Variants in TRAP1 observed in about 807,000 individuals in gnomAD.
TRAP1 encodes TNF receptor associated protein 1, also known as heat shock protein 75 kDa, mitochondrial.
A neutral mutation model predicts 89.1 loss-of-function variants in TRAP1; 102 were observed. The ratio of observed to expected loss-of-function variants is 1.15; its 90% CI spans 0.98 to 1.35. The LOEUF is 1.35. TRAP1 is among the 40% of genes most tolerant of loss of function. The pLI, the probability that TRAP1 is intolerant of heterozygous loss-of-function variation, is 0.00. For synonymous variants in TRAP1, 508 were observed against 388.0 expected (o/e 1.31, Z -3.64); for missense variants, 1,256 against 945.3 (o/e 1.33, Z -4.31).
rs368316808 is a variant in TRAP1, at chr16:3,686,055, G to A, written c.412C>T (p.Leu138=). Residue 138 remains leucine (L), a synonymous_variant, in exon 4 of 18, where the codon CTG becomes TTG. Coordinates refer to ENST00000246957, the MANE Select transcript of TRAP1 (RefSeq NM_016292.3). The part of the protein sequence containing the change: ...RHKLVSDGQA[L]PEMEIHLQTN... ...TGCAAGTGAATCTCCATTTCTGGCA[G>A]TGCTTGGCCGTCAGACACCAGTTTG... 36 of 1,614,022 alleles carry A rather than the reference G, an allele frequency of 2.2e-5. No individual in the cohort carries two copies. In the South Asian group the frequency reaches 3.2e-4, roughly 14 times the overall value.
intron 13 of TRAP1, 151 bp from the exon 14 acceptor site, chr16:3,663,713 T>C (rs1310071684): frequency 1.1e-6 from 1 of 883,984 alleles, no homozygotes; most frequent in African/African-American, 1.7e-5. Context: ...GCATGACAGT[T>C]ACTACGACAC....
chr16:3,675,369 G>A lies in TRAP1; in HGVS notation c.843C>T (p.Val281=), dbSNP rs150156224. ...RDVVTKYSNF[V]SFPLYLNGRR... is the part of the protein sequence containing the mutation. ...TTCCATTCAAGTACAAGGGGAAGCTGACGAAGTTGCTGTACTTCGTTACCA... is the reference window on the plus strand; with the variant it reads ...TTCCATTCAAGTACAAGGGGAAGCTAACGAAGTTGCTGTACTTCGTTACCA... The change falls in exon 8 of 18, where the codon GTC becomes GTT. Residue 281 remains valine (V), a synonymous_variant. Coordinates refer to ENST00000246957, the MANE Select transcript of TRAP1 (RefSeq NM_016292.3). 6 of 1,613,998 alleles carry A rather than the reference G, an allele frequency of 3.7e-6. No homozygotes were observed. The highest frequency in any genetic ancestry group is 4.2e-6 in the Non-Finnish European group (5 of 1,179,986).
intron 1 of TRAP1, among the ~76,000 whole-genome samples, chr16:3,709,785 G>C (rs1005787170): frequency 2.0e-5 from 3 of 152,062 alleles, no homozygotes; most frequent in Admixed American, 6.6e-5. Context: ...TAAGTAGCTG[G>C]GATTACAGGC....
chr16:3,664,107 G>A lies in TRAP1; in HGVS notation c.1569+167C>T, dbSNP rs1596695109. The A allele has an allele frequency of 1.2e-5, 8 of 688,474 alleles. 1 individual carries two copies. In the East Asian group the frequency reaches 2.5e-4, roughly 22 times the overall value. 42.6% of individuals were successfully genotyped at this position (688,474 alleles called of 1,614,324 possible). A position where few individuals can be genotyped will look rare whatever the true frequency, so the allele number is the denominator to read the frequency against. On this transcript the variant is annotated intron_variant, in intron 13 of 17. Transcript: ENST00000246957. Reference sequence around the variant, plus strand: ...AAAAAAAACCACATGTGACCTCCAAGTGGGAAACAGCCGTCACAGTCGGTC... The same window carrying A: ...AAAAAAAACCACATGTGACCTCCAAATGGGAAACAGCCGTCACAGTCGGTC...
rs1297915840 is a variant in TRAP1 at position 3,676,048 on chromosome 16, C to T, written c.802G>A (p.Ala268Thr). 2 of 1,613,362 alleles carry T rather than the reference C, an allele frequency of 1.2e-6. No individual in the cohort carries two copies. Among genetic ancestry groups the T allele is most frequent in the African/African-American group, 2.7e-5 (2 of 74,922 alleles). ...GGCTCCCGCTCACCTCGCACCCGGG[C>T]CTCGCTGGAAAACTCCTTGCAGTCG... is the stretch of plus-strand genomic sequence containing the variant. ...KSDCKEFSSE[A>T]RVRDVVTKYS... The change falls in exon 7 of 18, where the codon GCC becomes ACC. Residue 268 changes from alanine to threonine, a missense_variant. Physicochemically the swap from Ala to Thr is moderately conservative, Grantham distance 58. Transcript: ENST00000246957.
intron 1 of TRAP1, among the ~76,000 whole-genome samples, chr16:3,708,545 G>A (rs1437670284): frequency 6.6e-6 from 1 of 152,116 alleles, no homozygotes; most frequent in Non-Finnish European, 1.5e-5. Context: ...GCTGAGGCAG[G>A]AGAAATGCTT....
intron 10 of TRAP1, 40 bp downstream of exon 10, chr16:3,672,660 G>A: frequency 1.9e-6 from 3 of 1,583,288 alleles, no homozygotes; most frequent in Non-Finnish European, 2.6e-6. Flanking sequence ...GGGCGACACT[G>A]GGCCACGGGG....
At chr16:3,658,647 TG>T in intron 17 of TRAP1, 145 bp downstream of exon 17, 1 of 792,584 alleles carries the variant, frequency 1.3e-6, no homozygotes, top group Non-Finnish European at 2.0e-6. Context: ...CACTCCAGCC[TG>T]GCAACAGAGC....
At position 3,663,488 on chromosome 16, in the gene TRAP1, G is replaced by T. The variant is rs755261206; in HGVS notation, c.1644C>A (p.Ile548=). The T allele has an allele frequency of 1.9e-6, 3 of 1,614,190 alleles. No individual in the cohort carries two copies. The Admixed American group carries it at 5.0e-5, about 27-fold the overall frequency. ...CCACGACTATGTCCGTCTCCACAGAGATCAGCTTCTTCTTGTCAAACTCAC... is the reference window on the plus strand; with the variant it reads ...CCACGACTATGTCCGTCTCCACAGATATCAGCTTCTTCTTGTCAAACTCAC... The part of the protein sequence containing the change: ...HLREFDKKKL[I]SVETDIVVDH... Residue 548 remains isoleucine (I), a synonymous_variant, in exon 14 of 18, where the codon ATC becomes ATA. Transcript: ENST00000246957.
Position 3,690,815 on chromosome 16 carries a change from A to G in TRAP1, c.247+12T>C. Reference sequence around the variant, plus strand: ...AAAAGCCCTCCCAGACCAAAGCACGAGCCAAGGCTACCCTGCACGCTCTCT... The same window carrying G: ...AAAAGCCCTCCCAGACCAAAGCACGGGCCAAGGCTACCCTGCACGCTCTCT... On this transcript the variant is annotated intron_variant, in intron 2 of 17. Coordinates refer to ENST00000246957, the MANE Select transcript of TRAP1 (RefSeq NM_016292.3). The G allele has an allele frequency of 1.4e-6, 2 of 1,393,952 alleles. No homozygotes were observed. Among genetic ancestry groups the G allele is most frequent in the Non-Finnish European group, 9.4e-7 (1 of 1,061,998 alleles). The allele number at this position is 1,393,952 out of a possible 1,614,324, so 86.3% of individuals were successfully genotyped here. A position where few individuals can be genotyped will look rare whatever the true frequency, so the allele number is the denominator to read the frequency against.
chr16:3,670,105 G>A (rs557602812), intron 11 of TRAP1, among the ~76,000 whole-genome samples: 2 of 151,500 alleles, frequency 1.3e-5, no homozygotes, highest in South Asian at 4.2e-4. Context: ...AAAACAGGCC[G>A]GGCGCAGTGG....
At position 3,717,502 on chromosome 16, in the gene TRAP1, G is replaced by C; in HGVS notation, c.7C>G (p.Arg3Gly). ...CACAGCAGCAGCGCCCGCAGCTCGC[G>C]CGCCATGTCGTACTCCCAGAGCGCC... The part of the protein sequence containing the change: MA[R>G]ELRALLLWGR... The change falls in exon 1 of 18, where the codon CGC becomes GGC. Residue 3 changes from arginine (R) to glycine (G), a missense_variant. Transcript: ENST00000246957. The C allele has an allele frequency of 1.5e-6, 2 of 1,350,974 alleles. No homozygotes were observed. The highest frequency in any genetic ancestry group is 1.9e-6 in the Non-Finnish European group (2 of 1,053,142). 83.7% of individuals were successfully genotyped at this position (1,350,974 alleles called of 1,614,324 possible). A position where few individuals can be genotyped will look rare whatever the true frequency, so the allele number is the denominator to read the frequency against.
rs564186727 is a variant in TRAP1 at position 3,691,154 on chromosome 16, T to C, written c.89-169A>G. The C allele has an allele frequency of 3.6e-4, 201 of 560,336 alleles. No individual in the cohort carries two copies. In the African/African-American group the frequency reaches 3.7e-3, roughly 10 times the overall value. The allele number at this position is 560,336 out of a possible 1,614,324, so 34.7% of individuals were successfully genotyped here. A position where few individuals can be genotyped will look rare whatever the true frequency, so the allele number is the denominator to read the frequency against. On this transcript the variant is annotated intron_variant, in intron 1 of 17. Transcript: ENST00000246957. ...CAAATGCCACAGTGTCAGGGTGTGGTTTTGGCAAGGAGCCCTCACAGATGT... is the reference window on the plus strand; with the variant it reads ...CAAATGCCACAGTGTCAGGGTGTGGCTTTGGCAAGGAGCCCTCACAGATGT...
rs1323224295 is a variant in TRAP1, at chr16:3,686,002, G to A, written c.465C>T (p.Thr155=). Residue 155 remains threonine (T), a synonymous_variant, in exon 4 of 18, where the codon ACC becomes ACT. Coordinates refer to ENST00000246957, the MANE Select transcript of TRAP1 (RefSeq NM_016292.3). ...LQTNAEKGTI[T]IQDTGIGMTQ... ...TGGACACTGAGGGAGGTACCTGGATGGTGATGGTGCCTTTCTCGGCATTGG... is the reference window on the plus strand; with the variant it reads ...TGGACACTGAGGGAGGTACCTGGATAGTGATGGTGCCTTTCTCGGCATTGG... 2 of 1,613,798 alleles carry A rather than the reference G, an allele frequency of 1.2e-6. No homozygotes were observed. Among genetic ancestry groups the A allele is most frequent in the Admixed American group, 1.7e-5 (1 of 59,986 alleles).
chr16:3,671,443 C>A (rs1406401386), intron 11 of TRAP1, among the ~76,000 whole-genome samples: 2 of 152,202 alleles, frequency 1.3e-5, no homozygotes, highest in Non-Finnish European at 2.9e-5. Flanking sequence ...GCAGTCACAA[C>A]CCTGGGGCAC....
chr16:3,663,700 CCTGCATGA>C (rs2050747922), intron 13 of TRAP1, 138 bp from the exon 14 acceptor site: 3 of 1,065,734 alleles, frequency 2.8e-6, no homozygotes, highest in Non-Finnish European at 4.0e-6. Flanking sequence ...GGTTCCTAGG[CCTGCATGA>C]CAGTTACTAC....
At chr16:3,698,994 T>C (rs1182155418) in intron 1 of TRAP1, among the ~76,000 whole-genome samples, 1 of 152,174 alleles carries the variant, frequency 6.6e-6, no homozygotes, top group Non-Finnish European at 1.5e-5. Flanking sequence ...GTGTTTCTCC[T>C]ACACCCTAAA....
At chr16:3,709,211 G>C (rs182073813) in intron 1 of TRAP1, among the ~76,000 whole-genome samples, 11 of 121,916 alleles carry the variant, frequency 9.0e-5, no homozygotes, top group African/African-American at 3.9e-4. Context: ...TGGGCACCAA[G>C]TGCAAAACTC....
chr16:3,660,875 G>C (rs2043034541), intron 16 of TRAP1: 2 of 152,120 alleles, frequency 1.3e-5, no homozygotes, highest in Non-Finnish European at 2.9e-5. Flanking sequence ...AGTGAGCTGA[G>C]ATTGCCCCAC....
Sources: allele counts gnomAD v4.1 joint callset (sites outside exome capture counted in the v4.1 genomes callset), GRCh38; gene constraint gnomAD v4.1.1; transcripts MANE v1.5; gene names NCBI Gene and HGNC (gene_info 2026-07-23, HGNC 2026-07-21).